Variants in PCID2 observed in about 807,000 individuals in gnomAD.
PCID2 encodes PCI domain-containing protein 2.
PCID2 carries 41 observed loss-of-function variants against 61.3 expected under a neutral mutation model. That is an observed-to-expected ratio of 0.67 (90% confidence interval 0.52 to 0.87). PCID2 has a LOEUF of 0.87. Ranked by LOEUF, PCID2 falls within the 40% of genes least tolerant of loss-of-function variation. The pLI, the probability that PCID2 is intolerant of heterozygous loss-of-function variation, is 0.00. For synonymous variants in PCID2, 187 were observed against 177.8 expected, an observed-to-expected ratio of 1.05 and a Z score of -0.41; for missense variants, 392 against 493.4, an observed-to-expected ratio of 0.79 and a Z score of 1.95.
the PCID2 span, among the ~76,000 whole-genome samples, chr13:113,169,719 C>T: frequency 7.2e-3 from 1,097 of 152,350 alleles, 18 homozygotes; most frequent in African/African-American, 0.025. Flanking sequence ...GATGTTTTAA[C>T]TCAGCTGGTG....
At chr13:113,178,530 T>C in intron 13 of PCID2, 1 of 454,124 alleles carries the variant, frequency 2.2e-6, no homozygotes, top group Non-Finnish European at 4.1e-6. Context: ...GCATCTGTAA[T>C]GAACACGTAC....
In PCID2 at chr13:113,192,379, C is replaced by T. The variant is rs112397323; in HGVS notation, c.364-1404G>A. ...AAGCATACAGCACTTCTGTTGCACA[C>T]GGGTGTCTCATGGCTGTTTACAGAA... On this transcript the variant is annotated intron_variant, in intron 6 of 13. Coordinates refer to ENST00000337344, the MANE Select transcript of PCID2 (RefSeq NM_001127202.4). Among the ~76,000 whole-genome samples, 1,116 of 152,328 alleles carry T rather than the reference C, an allele frequency of 7.3e-3. 8 individuals are homozygous for T. Among genetic ancestry groups the T allele is most frequent in the Non-Finnish European group, 0.012 (810 of 68,032 alleles).
At chr13:113,202,426 T>C (rs531787043) in intron 1 of PCID2, among the ~76,000 whole-genome samples, 26 of 152,328 alleles carry the variant, frequency 1.7e-4, no homozygotes, top group Non-Finnish European at 3.5e-4. Context: ...ACAGAAGGTA[T>C]TTGTACTCGG....
At chr13:113,184,682 C>T (rs1348932107) in intron 8 of PCID2, among the ~76,000 whole-genome samples, 195 bp from the exon 9 acceptor site, 1 of 152,288 alleles carries the variant, frequency 6.6e-6, no homozygotes, top group Non-Finnish European at 1.5e-5. Flanking sequence ...CAAAGCCGTT[C>T]CGGGGGCGCA....
the PCID2 span, among the ~76,000 whole-genome samples, chr13:113,167,541 T>C: frequency 6.6e-6 from 1 of 152,350 alleles, no homozygotes; most frequent in East Asian, 1.9e-4. Context: ...CTGGTAATAT[T>C]ATTTGCTCTA....
chr13:113,175,247 G>A (rs114687559), downstream of PCID2, among the ~76,000 whole-genome samples: 1 of 152,062 alleles, frequency 6.6e-6, no homozygotes, highest in East Asian at 1.9e-4. Flanking sequence ...AGAGGTAAAC[G>A]TAAGGACACC....
intron 2 of PCID2, among the ~76,000 whole-genome samples, chr13:113,198,953 G>A (rs993119719): frequency 1.3e-5 from 2 of 152,172 alleles, no homozygotes; most frequent in Admixed American, 6.5e-5. Flanking sequence ...GTTAGGACTC[G>A]TTCTTCTCGG....
chr13:113,174,444 CA>C (rs1221411044), downstream of PCID2, among the ~76,000 whole-genome samples: 4 of 152,156 alleles, frequency 2.6e-5, no homozygotes, highest in Non-Finnish European at 4.4e-5. Context: ...ACACCATAAA[CA>C]AATCTAACAA....
At chr13:113,171,654 T>C in the PCID2 span, 17 of 1,613,994 alleles carry the variant, frequency 1.1e-5, no homozygotes, top group Middle Eastern at 1.6e-4. The surrounding 1 kb of genome is among the most constrained non-coding windows in gnomAD (Gnocchi z 5.1). Flanking sequence ...CATGTGCACA[T>C]GCGGTATGAC....
chr13:113,191,808 G>A (rs931639389), intron 6 of PCID2, among the ~76,000 whole-genome samples: 15 of 152,088 alleles, frequency 9.9e-5, no homozygotes, highest in Non-Finnish European at 1.0e-4. Flanking sequence ...CTGTATTAAC[G>A]TTTGCACTGA....
intron 1 of PCID2, among the ~76,000 whole-genome samples, chr13:113,204,008 G>A (rs989607192): frequency 1.3e-4 from 20 of 152,238 alleles, no homozygotes; most frequent in African/African-American, 4.6e-4. Flanking sequence ...CAACTAAGGG[G>A]CTTCTGGCTA....
Position 113,194,109 on chromosome 13 carries a change from C to T in PCID2, c.363+962G>A, listed in dbSNP as rs550461812. 7.9e-5 allele frequency among the ~76,000 whole-genome samples: 12 copies of T among 152,296 alleles called. No homozygotes were observed. The South Asian group carries it at 2.5e-3, about 32-fold the overall frequency. On this transcript the variant is annotated intron_variant, in intron 6 of 13. Transcript: ENST00000337344. ...GGTCCCCTGCTTAGCCTCTGACATCCACCTGGTGGGGAGGGGGACTAGCTC... is the reference window on the plus strand; with the variant it reads ...GGTCCCCTGCTTAGCCTCTGACATCTACCTGGTGGGGAGGGGGACTAGCTC...
the PCID2 span, chr13:113,165,235 GCTA>G: frequency 9.0e-5 from 97 of 1,072,334 alleles, 1 homozygote; most frequent in South Asian, 8.8e-4. Context: ...ACTTTGATGG[GCTA>G]CTGACTGCAC....
chr13:113,202,778 AG>A (rs2039523546), intron 1 of PCID2, among the ~76,000 whole-genome samples: 1 of 152,156 alleles, frequency 6.6e-6, no homozygotes, highest in South Asian at 2.1e-4. Flanking sequence ...CTTTCTAGAG[AG>A]GGGGGTGGAA....
chr13:113,171,537 C>A, the PCID2 span: 18 of 1,609,698 alleles, frequency 1.1e-5, no homozygotes, highest in Admixed American at 3.0e-4. This position sits in a 1 kb window ranked among gnomAD's most constrained non-coding sequence, Gnocchi z 5.1. Context: ...CTCGTTTGAG[C>A]ATTATGTCCC....
chr13:113,194,259 G>T (rs1354802150), intron 6 of PCID2, among the ~76,000 whole-genome samples: 1 of 152,220 alleles, frequency 6.6e-6, no homozygotes, highest in East Asian at 1.9e-4. Context: ...GTGACGGTCA[G>T]AGTTCTGTCT....
chr13:113,205,414 T>C (rs2039737297), intron 1 of PCID2, among the ~76,000 whole-genome samples: 1 of 152,234 alleles, frequency 6.6e-6, no homozygotes, highest in Non-Finnish European at 1.5e-5. Flanking sequence ...CCCTCATACA[T>C]TGCTGGTGAA....
chr13:113,206,472 AG>A (rs2039835277), intron 1 of PCID2, among the ~76,000 whole-genome samples: 1 of 152,226 alleles, frequency 6.6e-6, no homozygotes, highest in East Asian at 1.9e-4. Flanking sequence ...ACATCCAATT[AG>A]GTAAAGGACT....
chr13:113,199,251 T>C (rs1396338840), intron 2 of PCID2, among the ~76,000 whole-genome samples: 3 of 152,250 alleles, frequency 2.0e-5, no homozygotes, highest in Non-Finnish European at 2.9e-5. Context: ...AGGGCTTGAA[T>C]AGAACAAGAG....
Sources: gnomAD v4.1 joint callset for allele counts (sites outside exome capture counted in the v4.1 genomes callset) on GRCh38, gnomAD v4.1.1 for gene constraint, Gnocchi (gnomAD v3.1) non-coding constraint, MANE v1.5 for transcripts, NCBI Gene and HGNC (gene_info 2026-07-23, HGNC 2026-07-21) for gene names.